The following ZSWIM5 variants were observed in gnomAD, a reference collection of about 807,000 sequenced individuals.
ZSWIM5 encodes the protein zinc finger SWIM domain-containing protein 5.
Under a neutral mutation model 119.6 loss-of-function variants are expected in ZSWIM5, and 55 were observed. The observed-to-expected ratio is 0.46, with a 90% CI of 0.37 to 0.58. ZSWIM5 has a LOEUF of 0.58. ZSWIM5 is among the 20% of genes least tolerant of loss of function. The pLI is 0.00. For missense variants in ZSWIM5, 1,193 were observed against 1,512.8 expected, an observed-to-expected ratio of 0.79 and a Z score of 3.51; for synonymous variants, 537 against 606.9, an observed-to-expected ratio of 0.88 and a Z score of 1.69.
At chr1:45,111,927 C>G (rs1230070239) in intron 1 of ZSWIM5, among the ~76,000 whole-genome samples, 1 of 152,210 alleles carries the variant, frequency 6.6e-6, no homozygotes, top group Non-Finnish European at 1.5e-5. Context: ...CTTTGGAGAA[C>G]TAGTATTCTG....
At chr1:45,051,367 T>C in intron 4 of ZSWIM5, 114 bp from the exon 5 acceptor site, 1 of 1,150,700 alleles carries the variant, frequency 8.7e-7, no homozygotes, top group East Asian at 2.6e-5. Context: ...CATTATCTTT[T>C]CTTAATATAA....
intron 1 of ZSWIM5, among the ~76,000 whole-genome samples, chr1:45,159,008 T>A (rs1304738909): frequency 1.3e-5 from 2 of 152,144 alleles, no homozygotes; most frequent in East Asian, 3.8e-4. Flanking sequence ...TATAGCCTAG[T>A]GGAAAATTTA....
intron 1 of ZSWIM5, among the ~76,000 whole-genome samples, chr1:45,140,467 G>A (rs1454716929): frequency 6.6e-6 from 1 of 151,990 alleles, no homozygotes; most frequent in Non-Finnish European, 1.5e-5. Flanking sequence ...GAGATAAAAT[G>A]GAATCACAAA....
chr1:45,066,766 G>C (rs1171559245), intron 2 of ZSWIM5, among the ~76,000 whole-genome samples: 1 of 152,114 alleles, frequency 6.6e-6, no homozygotes, highest in Non-Finnish European at 1.5e-5. Context: ...TGTGAAGAAT[G>C]GAATAGAGGG....
chr1:45,049,746 A>G (rs900771906), intron 5 of ZSWIM5, among the ~76,000 whole-genome samples: 2 of 152,140 alleles, frequency 1.3e-5, no homozygotes, highest in Non-Finnish European at 2.9e-5. Flanking sequence ...CCTGGGAGGC[A>G]GAGGTTGCAG....
chr1:45,174,612 A>G (rs896959991), intron 1 of ZSWIM5, among the ~76,000 whole-genome samples: 4 of 151,848 alleles, frequency 2.6e-5, no homozygotes, highest in Admixed American at 2.6e-4. Flanking sequence ...GACACACCCA[A>G]TACAAAATAC....
chr1:45,168,282 C>G (rs1645921005), intron 1 of ZSWIM5, among the ~76,000 whole-genome samples: 1 of 151,834 alleles, frequency 6.6e-6, no homozygotes, highest in Non-Finnish European at 1.5e-5. Flanking sequence ...AATGAGAACA[C>G]TTGGACACAG....
At chr1:45,028,741 C>T (rs975520669) in intron 11 of ZSWIM5, among the ~76,000 whole-genome samples, 13 of 151,162 alleles carry the variant, frequency 8.6e-5, no homozygotes, top group Non-Finnish European at 1.3e-4. Flanking sequence ...GGTGACAGAG[C>T]GAGACTCTGT....
At chr1:45,020,246 T>G in intron 12 of ZSWIM5, 99 bp from the exon 13 acceptor site, 1 of 958,938 alleles carries the variant, frequency 1.0e-6, no homozygotes, top group Non-Finnish European at 1.7e-6. Context: ...TCTGGTGCTT[T>G]AAACAGTGGT....
At chr1:45,166,909 T>C (rs531935238) in intron 1 of ZSWIM5, among the ~76,000 whole-genome samples, 3 of 152,232 alleles carry the variant, frequency 2.0e-5, no homozygotes, top group South Asian at 4.1e-4. Context: ...AGGTAATTTA[T>C]AGATTCAATG....
chr1:45,152,205 T>C (rs1377241798), intron 1 of ZSWIM5, among the ~76,000 whole-genome samples: 1 of 152,026 alleles, frequency 6.6e-6, no homozygotes, highest in Non-Finnish European at 1.5e-5. Context: ...AGCAGGGCAG[T>C]GATATAATCA....
intron 1 of ZSWIM5, among the ~76,000 whole-genome samples, chr1:45,099,204 T>C (rs1322537200): frequency 6.6e-6 from 1 of 152,036 alleles, no homozygotes; most frequent in Non-Finnish European, 1.5e-5. Flanking sequence ...CAATAAAGAA[T>C]GATAAAAGGG....
intron 5 of ZSWIM5, among the ~76,000 whole-genome samples, chr1:45,049,114 C>A (rs967766647): frequency 6.6e-6 from 1 of 151,916 alleles, no homozygotes; most frequent in Non-Finnish European, 1.5e-5. Flanking sequence ...GTGGGTGACA[C>A]AGTGAGACCC....
At chr1:45,198,034 T>C (rs1646136344) in intron 1 of ZSWIM5, among the ~76,000 whole-genome samples, 1 of 152,218 alleles carries the variant, frequency 6.6e-6, no homozygotes. Flanking sequence ...TCCACATCAA[T>C]TTGTGAGGAA....
chr1:45,085,323 G>A (rs559807417), intron 2 of ZSWIM5, among the ~76,000 whole-genome samples: 1 of 152,274 alleles, frequency 6.6e-6, no homozygotes, highest in Admixed American at 6.5e-5. Context: ...GTGATGGGAG[G>A]GGCTGCCATG....
chr1:45,020,977 A>G (rs770357677), intron 11 of ZSWIM5, among the ~76,000 whole-genome samples, 189 bp from the exon 12 acceptor site: 6 of 151,398 alleles, frequency 4.0e-5, no homozygotes, highest in Non-Finnish European at 7.4e-5. Context: ...CCAGACCCCC[A>G]TGTGAATCCT....
intron 11 of ZSWIM5, among the ~76,000 whole-genome samples, chr1:45,023,924 C>A (rs1029148588): frequency 6.6e-6 from 1 of 152,168 alleles, no homozygotes; most frequent in Admixed American, 6.6e-5. Context: ...GTAATGATAT[C>A]TCACTGTAGT....
intron 2 of ZSWIM5, among the ~76,000 whole-genome samples, chr1:45,068,715 G>A (rs1362173362): frequency 1.3e-5 from 2 of 149,630 alleles, no homozygotes; most frequent in Non-Finnish European, 3.0e-5. Flanking sequence ...ATCCAACATC[G>A]CTTATTGAAA....
chr1:45,042,688 A>G (rs556435082), intron 6 of ZSWIM5, among the ~76,000 whole-genome samples: 1 of 152,328 alleles, frequency 6.6e-6, no homozygotes, highest in East Asian at 1.9e-4. Flanking sequence ...TGATTGAGGG[A>G]AAGCCAGGAA....
Sources: gnomAD v4.1 joint callset for allele counts (sites outside exome capture counted in the v4.1 genomes callset) on GRCh38, gnomAD v4.1.1 for gene constraint, MANE v1.5 for transcripts, NCBI Gene and HGNC (gene_info 2026-07-23, HGNC 2026-07-21) for gene names.